TBL1XR1: variants seen among roughly 807,000 people sequenced by gnomAD.
TBL1XR1 encodes the protein F-box-like/WD repeat-containing protein TBL1XR1.
In TBL1XR1, 5 loss-of-function variants were observed where a neutral mutation model predicts 66.9. The ratio of observed to expected loss-of-function variants is 0.07; its 90% CI spans 0.04 to 0.16. The LOEUF (loss-of-function observed/expected upper bound fraction) is 0.16. Among genes scored for constraint, TBL1XR1 ranks in the 10% least tolerant of loss-of-function variants. The pLI is 1.00. For missense variants in TBL1XR1, 238 were observed against 623.2 expected (o/e 0.38, Z 6.58); for synonymous variants, 210 against 206.0 (o/e 1.02, Z -0.17).
intron 1 of TBL1XR1, chr3:177,160,977 CAG>C (rs1271988799): frequency 6.8e-6 from 1 of 147,312 alleles, no homozygotes; most frequent in Non-Finnish European, 1.5e-5. Flanking sequence ...GCCTGGGTGA[CAG>C]AGTGAAACTC....
chr3:177,193,312 T>C (rs970184404), intron 1 of TBL1XR1, among the ~76,000 whole-genome samples: 3 of 151,784 alleles, frequency 2.0e-5, no homozygotes, highest in Admixed American at 6.6e-5. Context: ...ACACAAATTT[T>C]TTGTTTGTTT....
chr3:177,057,178 CTG>C (rs1385203895), intron 3 of TBL1XR1, among the ~76,000 whole-genome samples: 1 of 152,146 alleles, frequency 6.6e-6, no homozygotes, highest in Non-Finnish European at 1.5e-5. Context: ...CTTGAATATG[CTG>C]TGTTATACAT....
chr3:177,030,571 A>C (rs1344010472), intron 14 of TBL1XR1, among the ~76,000 whole-genome samples: 1 of 152,122 alleles, frequency 6.6e-6, no homozygotes, highest in Non-Finnish European at 1.5e-5. Context: ...TGAACACTTT[A>C]TCTGTATCTA....
chr3:177,050,402 C>A, intron 6 of TBL1XR1, 76 bp downstream of exon 6: 2 of 1,523,474 alleles, frequency 1.3e-6, no homozygotes, highest in East Asian at 4.8e-5. Flanking sequence ...AACAGAAAAC[C>A]TGAATAATGC....
intron 12 of TBL1XR1, chr3:177,037,484 G>A (rs1714958948): frequency 1.3e-5 from 2 of 149,856 alleles, no homozygotes; most frequent in African/African-American, 4.9e-5. Context: ...GAGAAAAGCA[G>A]ACTGCCACCC....
intron 2 of TBL1XR1, among the ~76,000 whole-genome samples, chr3:177,071,912 A>G (rs1297627776): frequency 6.6e-6 from 1 of 152,220 alleles, no homozygotes; most frequent in Non-Finnish European, 1.5e-5. Context: ...ACTGTCATAT[A>G]AAATGTACTA....
intron 2 of TBL1XR1, among the ~76,000 whole-genome samples, chr3:177,069,805 G>GAAGGAAAGGAAGGA (rs1560139055): frequency 2.8e-4 from 32 of 113,854 alleles, no homozygotes; most frequent in African/African-American, 9.8e-4. Flanking sequence ...AGGAAGGAAG[G>GAAGGAAAGGAAGGA]AAGGAAGGAA....
At chr3:177,133,860 A>C (rs1728590671) in intron 1 of TBL1XR1, among the ~76,000 whole-genome samples, 1 of 129,490 alleles carries the variant, frequency 7.7e-6, no homozygotes, top group Non-Finnish European at 1.6e-5. Flanking sequence ...TGGGCGAAAG[A>C]GTGAGACTCC....
intron 1 of TBL1XR1, among the ~76,000 whole-genome samples, chr3:177,135,309 G>GTC (rs1393196751): frequency 0.012 from 901 of 75,736 alleles, 25 homozygotes; most frequent in Middle Eastern, 0.041. Context: ...GCCGCACTCT[G>GTC]TGTGTGTGTG....
intron 1 of TBL1XR1, among the ~76,000 whole-genome samples, chr3:177,181,111 G>A (rs944322946): frequency 1.3e-5 from 2 of 152,040 alleles, no homozygotes; most frequent in South Asian, 2.1e-4. Context: ...CTGACAACTC[G>A]GTGTTGCCAT....
chr3:177,172,261 CAAAAA>C (rs35087965), intron 1 of TBL1XR1, among the ~76,000 whole-genome samples: 1 of 100,326 alleles, frequency 1.0e-5, no homozygotes, highest in Non-Finnish European at 1.9e-5. Context: ...ACTCCCACCT[CAAAAA>C]AAAAAAAAAA....
chr3:177,093,943 C>G (rs1167598587), intron 2 of TBL1XR1, among the ~76,000 whole-genome samples: 1 of 152,078 alleles, frequency 6.6e-6, no homozygotes, highest in Non-Finnish European at 1.5e-5. Flanking sequence ...AACCCCAAAG[C>G]AAATGCAACA....
At chr3:177,157,406 A>G (rs1731647290) in intron 1 of TBL1XR1, among the ~76,000 whole-genome samples, 1 of 152,154 alleles carries the variant, frequency 6.6e-6, no homozygotes, top group Non-Finnish European at 1.5e-5. Flanking sequence ...TACAGATTTT[A>G]AGGATCTGTA....
At chr3:177,029,604 T>C (rs751633379) in intron 14 of TBL1XR1, among the ~76,000 whole-genome samples, 4 of 152,056 alleles carry the variant, frequency 2.6e-5, no homozygotes, top group Middle Eastern at 3.4e-3. Flanking sequence ...CTAGGCGACA[T>C]AGTGAGACTC....
chr3:177,039,641 T>G (rs922615345), intron 10 of TBL1XR1, among the ~76,000 whole-genome samples: 7 of 152,162 alleles, frequency 4.6e-5, no homozygotes, highest in African/African-American at 1.7e-4. Flanking sequence ...ATCTCCGTAA[T>G]TAGCAACACA....
At chr3:177,114,180 A>G (rs996644510) in intron 1 of TBL1XR1, among the ~76,000 whole-genome samples, 2 of 151,544 alleles carry the variant, frequency 1.3e-5, no homozygotes, top group Non-Finnish European at 2.9e-5. Context: ...AATTCACTAG[A>G]TTCAACCATT....
At chr3:177,085,448 G>C (rs1213272766) in intron 2 of TBL1XR1, among the ~76,000 whole-genome samples, 1 of 152,168 alleles carries the variant, frequency 6.6e-6, no homozygotes, top group Non-Finnish European at 1.5e-5. Flanking sequence ...GAATGGTACA[G>C]ATGAAGAAAA....
intron 1 of TBL1XR1, among the ~76,000 whole-genome samples, chr3:177,152,856 C>T (rs576583053): frequency 7.9e-5 from 12 of 152,154 alleles, no homozygotes; most frequent in Non-Finnish European, 1.6e-4. Context: ...CTTAGATCTT[C>T]GCAATTCTGG....
At chr3:177,049,638 T>C (rs1362893884) in intron 7 of TBL1XR1, among the ~76,000 whole-genome samples, 4 of 152,238 alleles carry the variant, frequency 2.6e-5, no homozygotes, top group Admixed American at 6.5e-5. Context: ...GTTATAGATT[T>C]AGTATGTTGT....
Sources: allele counts gnomAD v4.1 joint callset (sites outside exome capture counted in the v4.1 genomes callset), GRCh38; gene constraint gnomAD v4.1.1; transcripts MANE v1.5; gene names NCBI Gene and HGNC (gene_info 2026-07-23, HGNC 2026-07-21).